Variants in WWOX observed in about 807,000 individuals in gnomAD.
The protein encoded by WWOX is WW domain containing oxidoreductase.
Under a neutral mutation model 46.2 loss-of-function variants are expected in WWOX, and 69 were observed. The ratio of observed to expected loss-of-function variants is 1.49; its 90% CI spans 1.23 to 1.82. The LOEUF is 1.82. Ranked by LOEUF, WWOX falls within the 40% of genes most tolerant of loss-of-function variation. The pLI is 0.00. For missense variants in WWOX, 919 were observed against 542.6 expected (o/e 1.69, Z -6.89); for synonymous variants, 359 against 202.6 (o/e 1.77, Z -6.56).
intron 8 of WWOX, among the ~76,000 whole-genome samples, chr16:78,829,120 A>C (rs529621486): frequency 1.4e-5 from 2 of 147,784 alleles, no homozygotes; most frequent in Admixed American, 1.3e-4. Flanking sequence ...GGATGGATGG[A>C]TGGATGGATG....
intron 8 of WWOX, among the ~76,000 whole-genome samples, chr16:78,668,467 C>G (rs1300443230): frequency 6.6e-6 from 1 of 152,130 alleles, no homozygotes; most frequent in East Asian, 1.9e-4. Context: ...ATCCACTCAT[C>G]ATTCATTATA....
chr16:78,661,579 C>T (rs778679147), intron 8 of WWOX, among the ~76,000 whole-genome samples: 4 of 142,954 alleles, frequency 2.8e-5, no homozygotes, highest in African/African-American at 5.3e-5. Flanking sequence ...TATCATTTTC[C>T]GTAAAGGTAG....
In WWOX at chr16:78,833,983, G is replaced by A. The variant is rs570045135; in HGVS notation, c.1057-377625G>A. On this transcript the variant is annotated intron_variant, in intron 8 of 8. Coordinates refer to ENST00000566780, the MANE Select transcript of WWOX (RefSeq NM_016373.4). ...TTTGGCTTCAGCCTCATTGTCTTGA[G>A]TTTATTAAGCATTTGGAACATTTCA... Among the ~76,000 whole-genome samples the A allele has an allele frequency of 1.6e-4, 24 of 152,302 alleles. No homozygotes were observed. The East Asian group carries it at 2.1e-3, about 13-fold the overall frequency.
chr16:78,587,683 A>G (rs920572510), intron 8 of WWOX, among the ~76,000 whole-genome samples: 1 of 152,040 alleles, frequency 6.6e-6, no homozygotes, highest in Non-Finnish European at 1.5e-5. Context: ...AGTGACCCAG[A>G]TAGGGAGGTG....
chr16:78,464,296 G>A (rs2084021634), intron 8 of WWOX, among the ~76,000 whole-genome samples: 1 of 151,612 alleles, frequency 6.6e-6, no homozygotes, highest in Non-Finnish European at 1.5e-5. Context: ...AAAAGAAAAA[G>A]GGAGAAGGAA....
intron 8 of WWOX, among the ~76,000 whole-genome samples, chr16:78,594,429 G>GGCCCCCCCCC: frequency 3.1e-5 from 1 of 32,380 alleles, no homozygotes; most frequent in Non-Finnish European, 5.2e-5. Flanking sequence ...CTGAGGAAAG[G>GGCCCCCCCCC]CCCCCCCCCC....
chr16:79,211,513 G>A (rs146710575), intron 8 of WWOX, 95 bp from the exon 9 acceptor site: 13 of 1,515,552 alleles, frequency 8.6e-6, no homozygotes, highest in South Asian at 4.6e-5. Flanking sequence ...TGAACCAGGT[G>A]GGGGAGGCCT....
At chr16:78,796,891 T>A (rs1020185914) in intron 8 of WWOX, among the ~76,000 whole-genome samples, 24 of 151,410 alleles carry the variant, frequency 1.6e-4, no homozygotes, top group Non-Finnish European at 3.1e-4. Context: ...AGTGGTGCGA[T>A]CTCGGCTCAC....
chr16:79,046,699 TG>T (rs2150521386), intron 8 of WWOX, among the ~76,000 whole-genome samples: 1 of 152,260 alleles, frequency 6.6e-6, no homozygotes, highest in Non-Finnish European at 1.5e-5. Flanking sequence ...GAACCGACTC[TG>T]GTAGATTCTT....
intron 8 of WWOX, among the ~76,000 whole-genome samples, chr16:78,728,447 C>G (rs1011922165): frequency 1.3e-5 from 2 of 152,188 alleles, no homozygotes; most frequent in Non-Finnish European, 2.9e-5. Context: ...CATTTCTTCT[C>G]CAGTGCTTGG....
At chr16:78,473,994 A>G (rs921551395) in intron 8 of WWOX, among the ~76,000 whole-genome samples, 1 of 152,206 alleles carries the variant, frequency 6.6e-6, no homozygotes, top group Non-Finnish European at 1.5e-5. Flanking sequence ...AATATGTCAT[A>G]AAGTTACCTA....
intron 8 of WWOX, among the ~76,000 whole-genome samples, chr16:78,634,674 C>G (rs767535168): frequency 6.7e-6 from 1 of 150,188 alleles, no homozygotes; most frequent in South Asian, 2.1e-4. Context: ...CCACTGCACT[C>G]CAGCCTGGGT....
intron 8 of WWOX, among the ~76,000 whole-genome samples, chr16:78,575,043 ATATATAT>A (rs2044831343): frequency 7.3e-4 from 4 of 5,498 alleles, no homozygotes; most frequent in Non-Finnish European, 1.0e-3. Context: ...ATATATATAT[ATATATAT>A]ATATATATAT....
chr16:78,454,304 C>T (rs2083759860), intron 8 of WWOX, among the ~76,000 whole-genome samples: 1 of 151,948 alleles, frequency 6.6e-6, no homozygotes, highest in Admixed American at 6.6e-5. Context: ...TTTTTTGGAC[C>T]ACTATCTAAG....
At chr16:78,845,238 C>G (rs1002659630) in intron 8 of WWOX, among the ~76,000 whole-genome samples, 7 of 149,964 alleles carry the variant, frequency 4.7e-5, no homozygotes, top group Admixed American at 3.3e-4. Flanking sequence ...TATTAGTCTG[C>G]TATTGTGGCT....
chr16:78,940,274 T>G (rs2045825554), intron 8 of WWOX, among the ~76,000 whole-genome samples: 2 of 152,206 alleles, frequency 1.3e-5, no homozygotes, highest in Non-Finnish European at 2.9e-5. Flanking sequence ...TTAAATAACC[T>G]CTGTGGTATT....
chr16:78,954,588 G>T (rs1322898117), intron 8 of WWOX, among the ~76,000 whole-genome samples: 1 of 152,156 alleles, frequency 6.6e-6, no homozygotes, highest in Non-Finnish European at 1.5e-5. Flanking sequence ...GCCAGTGCCA[G>T]GGGCTGGAAA....
chr16:78,171,269 G>T (rs2035151650), intron 5 of WWOX, among the ~76,000 whole-genome samples: 1 of 152,174 alleles, frequency 6.6e-6, no homozygotes, highest in Non-Finnish European at 1.5e-5. Context: ...GTAGGATGCT[G>T]AGGAGTAAAT....
At chr16:78,195,183 A>G (rs1044526361) in intron 5 of WWOX, among the ~76,000 whole-genome samples, 4 of 152,082 alleles carry the variant, frequency 2.6e-5, no homozygotes, top group African/African-American at 9.7e-5. Flanking sequence ...ACTTGTTCAG[A>G]TCTCAGTCTC....
Sources: gnomAD v4.1 joint callset for allele counts (sites outside exome capture counted in the v4.1 genomes callset) on GRCh38, gnomAD v4.1.1 for gene constraint, MANE v1.5 for transcripts, NCBI Gene and HGNC (gene_info 2026-07-23, HGNC 2026-07-21) for gene names.